FBXO36: variants seen among roughly 807,000 people sequenced by gnomAD.
The protein encoded by FBXO36 is F-box only protein 36.
A neutral mutation model predicts 17.0 loss-of-function variants in FBXO36; 18 were observed. The observed-to-expected ratio is 1.06, with a 90% CI of 0.73 to 1.57. FBXO36 has a LOEUF of 1.57. Ranked by LOEUF, FBXO36 falls within the 40% of genes most tolerant of loss-of-function variation. The probability of loss-of-function intolerance (pLI) is 0.00; values close to 1 mark genes in which losing one functional copy is unlikely to be tolerated. For synonymous variants in FBXO36, 83 were observed against 85.3 expected (o/e 0.97, Z 0.15); for missense variants, 229 against 221.9 (o/e 1.03, Z -0.20).
At chr2:229,965,523 C>T (rs900510407) in intron 1 of FBXO36, among the ~76,000 whole-genome samples, 1 of 141,112 alleles carries the variant, frequency 7.1e-6, no homozygotes, top group Non-Finnish European at 1.5e-5. Flanking sequence ...ATCCCTCCCC[C>T]CTCCCCCAAC....
chr2:229,923,680 A>T (rs910177884), intron 1 of FBXO36, among the ~76,000 whole-genome samples: 32 of 151,808 alleles, frequency 2.1e-4, no homozygotes, highest in Admixed American at 7.2e-4. Context: ...TCCAAAAAAA[A>T]TTTTTTTTAA....
chr2:229,936,499 A>G (rs752679003), intron 1 of FBXO36, among the ~76,000 whole-genome samples: 45 of 152,314 alleles, frequency 3.0e-4, no homozygotes, highest in Non-Finnish European at 5.1e-4. Flanking sequence ...TTTTATAAAG[A>G]TAGATTGTTT....
intron 2 of FBXO36, chr2:229,976,846 A>T (rs1217914709): frequency 6.6e-6 from 1 of 152,462 alleles, no homozygotes; most frequent in African/African-American, 2.4e-5. Flanking sequence ...CTAGGTTAAC[A>T]TGTGGACTCC....
At chr2:230,004,655 T>C (rs2077377530) in intron 3 of FBXO36, among the ~76,000 whole-genome samples, 1 of 152,192 alleles carries the variant, frequency 6.6e-6, no homozygotes, top group Non-Finnish European at 1.5e-5. Flanking sequence ...TAACATATTA[T>C]ATATTGTTCT....
chr2:229,931,817 C>T (rs911703103), intron 1 of FBXO36, among the ~76,000 whole-genome samples: 7 of 151,858 alleles, frequency 4.6e-5, no homozygotes, highest in South Asian at 2.1e-4. Context: ...CTGGCCTGGG[C>T]GACAGAGTGA....
intron 1 of FBXO36, among the ~76,000 whole-genome samples, chr2:229,972,263 G>T (rs2077184733): frequency 6.6e-6 from 1 of 152,228 alleles, no homozygotes; most frequent in South Asian, 2.1e-4. Context: ...CTCCCAAAGT[G>T]CTGGGATTAC....
At chr2:229,978,361 T>TCACC (rs1436730200) in intron 2 of FBXO36, among the ~76,000 whole-genome samples, 5 of 151,876 alleles carry the variant, frequency 3.3e-5, no homozygotes, top group Non-Finnish European at 7.4e-5. Flanking sequence ...GGTGGGCAGA[T>TCACC]CACCTGAGGT....
chr2:229,963,350 G>A (rs1024165028), intron 1 of FBXO36, among the ~76,000 whole-genome samples: 13 of 150,238 alleles, frequency 8.7e-5, no homozygotes, highest in East Asian at 2.0e-4. Flanking sequence ...AGATGTGAGC[G>A]ACCGTGCCCG....
intron 2 of FBXO36, among the ~76,000 whole-genome samples, chr2:229,983,265 C>T (rs1455234130): frequency 1.3e-5 from 2 of 151,988 alleles, no homozygotes; most frequent in African/African-American, 2.4e-5. Flanking sequence ...ATCCAAGCTA[C>T]TCGGGAGGCT....
At chr2:230,005,302 A>C (rs533697875) in intron 3 of FBXO36, among the ~76,000 whole-genome samples, 160 of 152,144 alleles carry the variant, frequency 1.1e-3, no homozygotes, top group Non-Finnish European at 1.9e-3. Flanking sequence ...GGGTCTTGCT[A>C]TCTTGCCTTA....
chr2:229,952,239 G>T (rs2077061400), intron 1 of FBXO36, among the ~76,000 whole-genome samples: 1 of 152,032 alleles, frequency 6.6e-6, no homozygotes. Flanking sequence ...TCTAGTTTCT[G>T]CTTTTCTCCC....
intron 1 of FBXO36, among the ~76,000 whole-genome samples, chr2:229,950,453 G>C (rs1412925612): frequency 6.6e-6 from 1 of 151,718 alleles, no homozygotes; most frequent in Non-Finnish European, 1.5e-5. Flanking sequence ...TAAAATCACA[G>C]CCCAAAGGGA....
At chr2:229,936,356 C>T (rs1404017079) in intron 1 of FBXO36, among the ~76,000 whole-genome samples, 1 of 152,128 alleles carries the variant, frequency 6.6e-6, no homozygotes, top group South Asian at 2.1e-4. Context: ...CTAATGAATC[C>T]CTATTACCTA....
At chr2:229,956,148 A>G (rs1164417903) in intron 1 of FBXO36, among the ~76,000 whole-genome samples, 1 of 152,220 alleles carries the variant, frequency 6.6e-6, no homozygotes, top group East Asian at 1.9e-4. Context: ...GCCATAACAA[A>G]CTGCCATAGA....
rs140560155 is a variant in FBXO36, at chr2:229,977,585, G to C, written c.205+1236G>C. Among the ~76,000 whole-genome samples the C allele has an allele frequency of 6.0e-3, 907 of 152,032 alleles. 12 individuals are homozygous for C. Among genetic ancestry groups the C allele is most frequent in the African/African-American group, 0.021 (853 of 41,472 alleles). On this transcript the variant is annotated intron_variant, in intron 2 of 3. Coordinates refer to ENST00000283946, the MANE Select transcript of FBXO36 (RefSeq NM_174899.5). ...TGTGCCTCAGCCTCCCGAGTAGCTG[G>C]GATTACGGGTGTACACCACCACGCC...
rs2106221637 is a variant in FBXO36, at chr2:230,010,947, C to A, written c.*63C>A. 3.4e-6 allele frequency: 5 copies of A among 1,454,358 alleles called. 1 individual carries two copies. The South Asian group carries it at 4.1e-5, about 12-fold the overall frequency. 90.1% of individuals were successfully genotyped at this position (1,454,358 alleles called of 1,614,324 possible). A position where few individuals can be genotyped will look rare whatever the true frequency, so the allele number is the denominator to read the frequency against. On this transcript the variant is annotated 3_prime_UTR_variant, in exon 4 of 4. Coordinates refer to ENST00000283946, the MANE Select transcript of FBXO36 (RefSeq NM_174899.5). The stretch of plus-strand genomic sequence containing the variant: ...CTGTGTTTCTCTTCAGTGTCCAAAT[C>A]TCTTCTGTCTCCTTTTCTTAAGAAC...
At chr2:229,999,489 A>G (rs530128459) in intron 3 of FBXO36, among the ~76,000 whole-genome samples, 13 of 146,230 alleles carry the variant, frequency 8.9e-5, no homozygotes, top group East Asian at 2.0e-4. Context: ...GTGTGTGTGT[A>G]TATATATATG....
chr2:229,975,358 C>A (rs1323994704), intron 1 of FBXO36, among the ~76,000 whole-genome samples: 1 of 152,058 alleles, frequency 6.6e-6, no homozygotes, highest in East Asian at 1.9e-4. Flanking sequence ...GAGAGCTGAG[C>A]AATTTCTTTG....
chr2:229,988,770 A>G (rs982016668), intron 2 of FBXO36, among the ~76,000 whole-genome samples: 9 of 150,038 alleles, frequency 6.0e-5, no homozygotes, highest in African/African-American at 2.2e-4. Context: ...TCCTGACCTC[A>G]GGTGACCTCA....
Sources: gnomAD v4.1 joint callset for allele counts (sites outside exome capture counted in the v4.1 genomes callset) on GRCh38, gnomAD v4.1.1 for gene constraint, MANE v1.5 for transcripts, NCBI Gene and HGNC (gene_info 2026-07-23, HGNC 2026-07-21) for gene names.